Variants in PPFIA1 observed in about 807,000 individuals in gnomAD.
PPFIA1 encodes liprin-alpha-1.
PPFIA1 carries 25 observed loss-of-function variants against 149.9 expected under a neutral mutation model. The observed-to-expected ratio is 0.17, with a 90% CI of 0.12 to 0.23. The LOEUF (loss-of-function observed/expected upper bound fraction) is 0.23, where lower values mean the gene tolerates loss of function less well. PPFIA1 is among the 10% of genes least tolerant of loss of function. The pLI is 1.00. For missense variants in PPFIA1, 1,362 were observed against 1,506.5 expected (o/e 0.90, Z 1.59); for synonymous variants, 549 against 552.8 (o/e 0.99, Z 0.10).
In PPFIA1 at chr11:70,324,873, T is replaced by A. The variant is rs2054169183; in HGVS notation, c.393T>A (p.Leu131=). Residue 131 remains leucine (L), a synonymous_variant, in exon 4 of 28, where the codon CTT becomes CTA. Transcript: ENST00000253925. ...TGCTGTTAGAGCATTTGGAATGCCT[T>A]GTCTCCAGGCATGAGCGGTCTCTTA... ...TRLLLEHLEC[L]VSRHERSLRM... 1.9e-6 allele frequency: 3 copies of A among 1,600,898 alleles called. No homozygotes were observed. The highest frequency in any genetic ancestry group is 2.6e-6 in the Non-Finnish European group (3 of 1,174,684).
In PPFIA1 at chr11:70,324,411, G is replaced by A. The variant is rs1010287956; in HGVS notation, c.274G>A (p.Ala92Thr). ...LNTALPQEFA[A>T]LTKELNVCRE... ...TTTTGTGATTTTCTAGGAGTTCGCAGCACTTACTAAAGAACTCAATGTATG... is the reference window on the plus strand; with the variant it reads ...TTTTGTGATTTTCTAGGAGTTCGCAACACTTACTAAAGAACTCAATGTATG... The change falls in exon 3 of 28, where the codon GCA (alanine) becomes ACA (threonine). Residue 92 changes from alanine to threonine, a missense_variant. By Grantham distance (58) the Ala-to-Thr change is moderately conservative (BLOSUM62 0). Coordinates refer to ENST00000253925, the MANE Select transcript of PPFIA1 (RefSeq NM_003626.5). 12 of 1,606,280 alleles carry A rather than the reference G, an allele frequency of 7.5e-6. No homozygotes were observed. Among genetic ancestry groups the A allele is most frequent in the African/African-American group, 1.3e-5 (1 of 74,564 alleles).
chr11:70,303,079 T>C (rs2052596333), intron 2 of PPFIA1, among the ~76,000 whole-genome samples: 1 of 152,248 alleles, frequency 6.6e-6, no homozygotes, highest in Admixed American at 6.5e-5. Context: ...GTCTTGCGTA[T>C]GCTGAGGCTT....
chr11:70,279,443 G>T, intron 2 of PPFIA1: 1 of 163,326 alleles, frequency 6.1e-6, no homozygotes, highest in Non-Finnish European at 1.3e-5. Context: ...TCAGGCATTA[G>T]CAAAACTTGG....
At position 70,346,462 on chromosome 11, in the gene PPFIA1, G is replaced by A. The variant is rs189401916; in HGVS notation, c.1932-1727G>A. The stretch of plus-strand genomic sequence containing the variant: ...TTATTAAAAAGAAAAAAATAGGGCT[G>A]TACATTCTGAAGTAAGAAGTTGGTG... On this transcript the variant is annotated intron_variant, in intron 15 of 27. Transcript: ENST00000253925. Among the ~76,000 whole-genome samples the A allele has an allele frequency of 1.5e-3, 235 of 152,148 alleles. 2 individuals are homozygous for A. The highest frequency in any genetic ancestry group is 5.1e-4 in the Non-Finnish European group (35 of 68,014).
intron 2 of PPFIA1, among the ~76,000 whole-genome samples, chr11:70,309,741 C>T (rs2053133332): frequency 6.6e-6 from 1 of 151,986 alleles, no homozygotes; most frequent in Admixed American, 6.6e-5. Flanking sequence ...TGAAAGAAGC[C>T]AGGCACAAAA....
chr11:70,351,804 CTGACAGTTGACCACT>C, intron 16 of PPFIA1, among the ~76,000 whole-genome samples: 1 of 152,292 alleles, frequency 6.6e-6, no homozygotes, highest in Admixed American at 6.5e-5. Context: ...ATTTCAAAAC[CTGACAGTTGACCACT>C]TCACCATCTA....
At chr11:70,355,547 G>C (rs1443447817) in intron 17 of PPFIA1, 92 bp from the exon 18 acceptor site, 1 of 1,221,972 alleles carries the variant, frequency 8.2e-7, no homozygotes, top group Non-Finnish European at 1.1e-6. Context: ...GTGTGAAAGA[G>C]ACTGGAAGTG....
intron 25 of PPFIA1, 105 bp from the exon 26 acceptor site, chr11:70,377,925 A>T: frequency 1.1e-6 from 1 of 915,688 alleles, no homozygotes; most frequent in Non-Finnish European, 1.7e-6. Context: ...CATGTGGACA[A>T]GAATACATTC....
intron 9 of PPFIA1, 103 bp downstream of exon 9, chr11:70,332,197 C>A: frequency 4.4e-6 from 6 of 1,364,482 alleles, no homozygotes; most frequent in Non-Finnish European, 5.8e-6. Context: ...CACCTAAATC[C>A]GTGGAAGAGC....
chr11:70,340,481 A>G (rs2055261827), intron 14 of PPFIA1, among the ~76,000 whole-genome samples: 1 of 152,238 alleles, frequency 6.6e-6, no homozygotes, highest in Non-Finnish European at 1.5e-5. Context: ...TATATTCGTC[A>G]TTTAGTGAAA....
chr11:70,325,125 T>A, intron 4 of PPFIA1, 114 bp downstream of exon 4: 1 of 1,063,748 alleles, frequency 9.4e-7, no homozygotes, highest in Non-Finnish European at 1.3e-6. Context: ...GGAAATAACT[T>A]CTCTAAGAAG....
At chr11:70,344,728 C>A (rs1293408331) in intron 15 of PPFIA1, among the ~76,000 whole-genome samples, 1 of 152,226 alleles carries the variant, frequency 6.6e-6, no homozygotes, top group East Asian at 1.9e-4. Context: ...CTGTAGAGTC[C>A]TAGGCCTGCA....
intron 2 of PPFIA1, among the ~76,000 whole-genome samples, chr11:70,287,497 G>GTT (rs879628709): frequency 2.1e-5 from 3 of 142,928 alleles, no homozygotes; most frequent in Non-Finnish European, 4.6e-5. Flanking sequence ...CTTCAGCTAA[G>GTT]TTTTTTTTTT....
intron 2 of PPFIA1, among the ~76,000 whole-genome samples, chr11:70,287,712 C>T (rs2051241884): frequency 6.6e-6 from 1 of 151,578 alleles, no homozygotes; most frequent in South Asian, 2.1e-4. Flanking sequence ...GACACAATCA[C>T]AGCTCACCGT....
chr11:70,345,443 A>G (rs1182494007), intron 15 of PPFIA1, among the ~76,000 whole-genome samples: 1 of 152,112 alleles, frequency 6.6e-6, no homozygotes, highest in Non-Finnish European at 1.5e-5. Flanking sequence ...TGTTCAGTGT[A>G]TTGTTATGGA....
chr11:70,322,151 T>C (rs1185207623), intron 2 of PPFIA1, among the ~76,000 whole-genome samples: 1 of 152,234 alleles, frequency 6.6e-6, no homozygotes, highest in Non-Finnish European at 1.5e-5. Flanking sequence ...ACTGTTGGGA[T>C]TACAGGTGTG....
intron 2 of PPFIA1, among the ~76,000 whole-genome samples, chr11:70,289,380 T>G (rs1411826323): frequency 2.0e-5 from 3 of 152,206 alleles, no homozygotes; most frequent in African/African-American, 7.2e-5. Context: ...TTTCCCCTTA[T>G]TTTATATTTA....
chr11:70,289,465 G>A (rs2051378563), intron 2 of PPFIA1, among the ~76,000 whole-genome samples: 1 of 151,976 alleles, frequency 6.6e-6, no homozygotes, highest in Non-Finnish European at 1.5e-5. Context: ...TCATAAAATG[G>A]GTTCAGCATT....
intron 2 of PPFIA1, among the ~76,000 whole-genome samples, chr11:70,313,853 C>G (rs559935292): frequency 1.2e-3 from 176 of 152,182 alleles, no homozygotes; most frequent in Non-Finnish European, 1.8e-4. Context: ...TGACAAACCC[C>G]CATCTCTCCA....
Sources: allele counts gnomAD v4.1 joint callset (sites outside exome capture counted in the v4.1 genomes callset), GRCh38; gene constraint gnomAD v4.1.1; transcripts MANE v1.5; gene names NCBI Gene and HGNC (gene_info 2026-07-23, HGNC 2026-07-21).